CTNNA3: variants seen among roughly 807,000 people sequenced by gnomAD.
The protein encoded by CTNNA3 is catenin alpha 3, also known as catenin alpha-3.
CTNNA3 carries 76 observed loss-of-function variants against 95.7 expected under a neutral mutation model. The observed-to-expected ratio is 0.79, with a 90% CI of 0.66 to 0.96. The LOEUF is 0.96. Among genes scored for constraint, CTNNA3 ranks in the 40% least tolerant of loss-of-function variants. CTNNA3 has a pLI of 0.00. For missense variants in CTNNA3, 1,191 were observed against 1,089.8 expected (o/e 1.09, Z -1.31); for synonymous variants, 431 against 374.4 (o/e 1.15, Z -1.74).
At chr10:66,978,552 A>AAAAATATAT in intron 7 of CTNNA3, among the ~76,000 whole-genome samples, 4 of 37,884 alleles carry the variant, frequency 1.1e-4, no homozygotes, top group African/African-American at 3.5e-4. Flanking sequence ...AAAAAAAAAA[A>AAAAATATAT]ATATATATAT....
intron 3 of CTNNA3, among the ~76,000 whole-genome samples, chr10:67,562,609 A>T (rs927279786): frequency 5.3e-5 from 8 of 152,138 alleles, no homozygotes; most frequent in African/African-American, 1.7e-4. Flanking sequence ...CACCACTCCT[A>T]TTCAACATAG....
intron 5 of CTNNA3, among the ~76,000 whole-genome samples, chr10:67,470,776 T>C (rs1847787962): frequency 1.3e-5 from 2 of 151,956 alleles, no homozygotes; most frequent in Middle Eastern, 3.4e-3. Flanking sequence ...TGGGTTAAGA[T>C]TTTTTGTCTT....
chr10:67,687,779 A>G (rs1180217267), intron 1 of CTNNA3, among the ~76,000 whole-genome samples: 2 of 152,070 alleles, frequency 1.3e-5, no homozygotes. Flanking sequence ...AGGCAGAAGG[A>G]TTTTCTTCCT....
At position 66,820,431 on chromosome 10, in the gene CTNNA3, T is replaced by C. The variant is rs141037256; in HGVS notation, c.1048-44907A>G. Among the ~76,000 whole-genome samples, 641 of 152,156 alleles carry C rather than the reference T, an allele frequency of 4.2e-3. 6 individuals are homozygous for C. Among genetic ancestry groups the C allele is most frequent in the African/African-American group, 0.014 (581 of 41,536 alleles). ...TCATAGCTGCACAATTTTGTGAATA[T>C]ATTAAAAACTACTGAATTATACAAT... On this transcript the variant is annotated intron_variant, in intron 7 of 17. Coordinates refer to ENST00000433211, the MANE Select transcript of CTNNA3 (RefSeq NM_013266.4).
At chr10:65,979,562 CCAA>C (rs2078277561) in intron 16 of CTNNA3, among the ~76,000 whole-genome samples, 9 of 152,122 alleles carry the variant, frequency 5.9e-5, no homozygotes, top group Admixed American at 4.6e-4. Context: ...AGATAGCCAG[CCAA>C]CTACAAGAAG....
At chr10:67,403,029 C>T (rs977110231) in intron 5 of CTNNA3, among the ~76,000 whole-genome samples, 1 of 152,198 alleles carries the variant, frequency 6.6e-6, no homozygotes, top group Non-Finnish European at 1.5e-5. Flanking sequence ...GTAGTGCCTG[C>T]CTGAGATGGA....
chr10:66,630,681 T>C (rs559679263), intron 9 of CTNNA3, among the ~76,000 whole-genome samples: 54 of 152,260 alleles, frequency 3.5e-4, no homozygotes, highest in South Asian at 2.9e-3. Context: ...TCTCCCCATG[T>C]TGGCACCGAA....
intron 7 of CTNNA3, among the ~76,000 whole-genome samples, chr10:67,120,135 A>T (rs1041964082): frequency 1.3e-5 from 2 of 151,918 alleles, no homozygotes; most frequent in Non-Finnish European, 2.9e-5. Flanking sequence ...ATCCACAATG[A>T]CATAATAATT....
intron 14 of CTNNA3, among the ~76,000 whole-genome samples, chr10:66,101,933 C>T (rs1159301701): frequency 6.6e-6 from 1 of 152,018 alleles, no homozygotes; most frequent in Non-Finnish European, 1.5e-5. Flanking sequence ...TTTCCACAAG[C>T]CATAGATTAC....
intron 14 of CTNNA3, among the ~76,000 whole-genome samples, chr10:66,098,476 T>C (rs2081489689): frequency 6.6e-6 from 1 of 152,162 alleles, no homozygotes; most frequent in African/African-American, 2.4e-5. Context: ...AATTTGAAAA[T>C]GTTCTGTAAA....
At chr10:66,792,843 T>G (rs1374896530) in intron 7 of CTNNA3, among the ~76,000 whole-genome samples, 8 of 152,160 alleles carry the variant, frequency 5.3e-5, no homozygotes. Context: ...GGACAGAAGT[T>G]TGATTAAAAG....
At chr10:66,356,080 A>G (rs2092606627) in intron 12 of CTNNA3, among the ~76,000 whole-genome samples, 1 of 151,116 alleles carries the variant, frequency 6.6e-6, no homozygotes, top group Non-Finnish European at 1.5e-5. Flanking sequence ...GCAAGTCTCA[A>G]AATCAGGTAC....
intron 13 of CTNNA3, among the ~76,000 whole-genome samples, chr10:66,134,652 G>C (rs2083267664): frequency 6.6e-6 from 1 of 152,064 alleles, no homozygotes; most frequent in Non-Finnish European, 1.5e-5. Context: ...TAACCAAAAT[G>C]GTTAACTACA....
At chr10:66,737,879 G>A (rs1381372846) in intron 9 of CTNNA3, among the ~76,000 whole-genome samples, 2 of 152,120 alleles carry the variant, frequency 1.3e-5, no homozygotes, top group Admixed American at 1.3e-4. Flanking sequence ...GGATAGTCTC[G>A]ATCTCGTGAC....
At chr10:67,585,032 C>T (rs562464805) in intron 3 of CTNNA3, among the ~76,000 whole-genome samples, 26 of 152,298 alleles carry the variant, frequency 1.7e-4, no homozygotes, top group African/African-American at 3.6e-4. Flanking sequence ...GGCGATGCCC[C>T]GCCCTGCTTC....
At chr10:66,212,257 T>C (rs955193921) in intron 13 of CTNNA3, among the ~76,000 whole-genome samples, 1 of 152,178 alleles carries the variant, frequency 6.6e-6, no homozygotes, top group Non-Finnish European at 1.5e-5. Context: ...CCCAAAGTGC[T>C]GGGTTTACAG....
chr10:66,378,918 C>T (rs975514116), intron 12 of CTNNA3, among the ~76,000 whole-genome samples: 1 of 152,096 alleles, frequency 6.6e-6, no homozygotes, highest in Admixed American at 6.5e-5. Context: ...TGACTAAGGC[C>T]TGTGGGTAAT....
chr10:66,845,716 A>ATAAATAAAT (rs1306765689), intron 7 of CTNNA3, among the ~76,000 whole-genome samples: 1 of 127,002 alleles, frequency 7.9e-6, no homozygotes, highest in African/African-American at 2.9e-5. Flanking sequence ...AAAAAAAAAA[A>ATAAATAAAT]AAAAAAAAAA....
chr10:66,459,823 A>C lies in CTNNA3; in HGVS notation c.1531+60794T>G, dbSNP rs1564984218. Among the ~76,000 whole-genome samples, 14 of 152,326 alleles carry C rather than the reference A, an allele frequency of 9.2e-5. 1 individual carries two copies. In the South Asian group the frequency reaches 2.5e-3, roughly 27 times the overall value. On this transcript the variant is annotated intron_variant, in intron 11 of 17. Transcript: ENST00000433211. ...TAAAGTTTTATAATCTTATGGGATC[A>C]TTGTCATATATATGTTCCATCATTG... is the stretch of plus-strand genomic sequence containing the variant.
Sources: allele counts gnomAD v4.1 joint callset (sites outside exome capture counted in the v4.1 genomes callset), GRCh38; gene constraint gnomAD v4.1.1; transcripts MANE v1.5; gene names NCBI Gene and HGNC (gene_info 2026-07-23, HGNC 2026-07-21).